Variants in GC observed in about 807,000 individuals in gnomAD.
The protein encoded by GC is GC vitamin D binding protein.
Under a neutral mutation model 56.7 loss-of-function variants are expected in GC, and 43 were observed. The observed-to-expected ratio is 0.76, with a 90% confidence interval of 0.59 to 0.98. The LOEUF (loss-of-function observed/expected upper bound fraction) is 0.98. Ranked by LOEUF, GC falls within the 50% of genes least tolerant of loss-of-function variation. GC has a pLI of 0.00. For synonymous variants in GC, 216 were observed against 202.7 expected, an observed-to-expected ratio of 1.07 and a Z score of -0.56; for missense variants, 529 against 545.9, an observed-to-expected ratio of 0.97 and a Z score of 0.31.
chr4:71,786,948 T>A (rs748850304), upstream of GC, among the ~76,000 whole-genome samples: 2 of 151,856 alleles, frequency 1.3e-5, no homozygotes, highest in African/African-American at 2.4e-5. Context: ...TATTAGTGGA[T>A]CGAAGTAATA....
chr4:71,762,889 G>C (rs2149299655), intron 6 of GC, among the ~76,000 whole-genome samples: 1 of 152,166 alleles, frequency 6.6e-6, no homozygotes, highest in South Asian at 2.1e-4. Context: ...CCCAGTTTCG[G>C]GTATGTCTTT....
intron 11 of GC, among the ~76,000 whole-genome samples, chr4:71,750,611 G>A (rs183914446): frequency 1.8e-3 from 277 of 152,250 alleles, no homozygotes; most frequent in African/African-American, 6.2e-3. Context: ...CTGGCCGGGC[G>A]CAGTGGCTCA....
intron 6 of GC, among the ~76,000 whole-genome samples, chr4:71,760,065 C>T (rs532524655): frequency 1.6e-4 from 22 of 136,328 alleles, no homozygotes; most frequent in Non-Finnish European, 2.5e-4. Flanking sequence ...TTTTTTGAGA[C>T]GGAGTCTCGC....
chr4:71,783,818 T>G (rs1742761205), intron 1 of GC, 143 bp downstream of exon 1: 2 of 478,854 alleles, frequency 4.2e-6, no homozygotes, highest in Admixed American at 4.3e-5. Flanking sequence ...GAGCTCTGAT[T>G]AATGCCTCTC....
intron 1 of GC, among the ~76,000 whole-genome samples, chr4:71,796,240 A>G (rs973976149): frequency 6.6e-6 from 1 of 152,134 alleles, no homozygotes; most frequent in African/African-American, 2.4e-5. Flanking sequence ...TCTCCTGGAT[A>G]ATATCCTTAA....
In GC at chr4:71,784,043, A is replaced by C. The variant is rs1742769401; in HGVS notation, c.-25T>G. On this transcript the variant is annotated 5_prime_UTR_variant, in exon 1 of 13. Transcript: ENST00000273951. ...TTTTTCTACCAGAGAGTCTTGCAGC[A>C]CCTCCTCTCTCCTGTAGGTGACCAT... 9.4e-6 allele frequency: 15 copies of C among 1,599,452 alleles called. No homozygotes were observed. Among genetic ancestry groups the C allele is most frequent in the Non-Finnish European group, 1.3e-5 (15 of 1,170,874 alleles).
chr4:71,771,621 A>T (rs963205854), intron 1 of GC, among the ~76,000 whole-genome samples: 1 of 152,098 alleles, frequency 6.6e-6, no homozygotes, highest in Non-Finnish European at 1.5e-5. Context: ...GGCAACTAGG[A>T]CAAGGCAGTA....
chr4:71,764,010 T>C (rs531044563), intron 4 of GC, 74 bp from the exon 5 acceptor site: 13 of 1,160,776 alleles, frequency 1.1e-5, no homozygotes, highest in South Asian at 9.0e-5. Flanking sequence ...TGAGACAGTG[T>C]CTTGCCCTGT....
At chr4:71,779,032 T>C (rs1339480626) in intron 1 of GC, among the ~76,000 whole-genome samples, 1 of 151,362 alleles carries the variant, frequency 6.6e-6, no homozygotes, top group South Asian at 2.1e-4. Context: ...AGCTATCTCC[T>C]GGGAGCATGG....
chr4:71,791,529 C>T (rs187026127), intron 1 of GC, among the ~76,000 whole-genome samples: 1 of 152,108 alleles, frequency 6.6e-6, no homozygotes, highest in East Asian at 1.9e-4. Context: ...ACGTAAACCT[C>T]GACAGTACTG....
At chr4:71,743,377 A>C (rs1491710) in intron 12 of GC, among the ~76,000 whole-genome samples, 22,625 of 152,120 alleles carry the variant, frequency 0.15, 4,047 homozygotes, top group African/African-American at 0.41. Flanking sequence ...CAACAAGGGA[A>C]AAATCATTGA....
chr4:71,758,802 CTT>C (rs1433637599), intron 6 of GC, among the ~76,000 whole-genome samples: 2 of 151,968 alleles, frequency 1.3e-5, no homozygotes, highest in East Asian at 1.9e-4. Flanking sequence ...AATTTACTAT[CTT>C]GACCATTTTT....
At chr4:71,758,264 A>T in intron 6 of GC, 93 bp from the exon 7 acceptor site, 1 of 1,129,338 alleles carries the variant, frequency 8.9e-7, no homozygotes, top group Non-Finnish European at 1.3e-6. Context: ...TAATATCACA[A>T]TTTCACCTCC....
At chr4:71,758,937 C>A (rs1056451210) in intron 6 of GC, among the ~76,000 whole-genome samples, 3 of 152,102 alleles carry the variant, frequency 2.0e-5, no homozygotes, top group Non-Finnish European at 2.9e-5. Flanking sequence ...TCCCACTTCC[C>A]CTCACTCATC....
intron 1 of GC, among the ~76,000 whole-genome samples, chr4:71,780,607 T>C (rs1374114826): frequency 1.3e-5 from 2 of 152,008 alleles, no homozygotes; most frequent in African/African-American, 4.8e-5. Flanking sequence ...AGAAGACATT[T>C]ATGCAGCCAA....
At chr4:71,774,267 C>T (rs1281504690) in intron 1 of GC, among the ~76,000 whole-genome samples, 1 of 151,962 alleles carries the variant, frequency 6.6e-6, no homozygotes, top group East Asian at 1.9e-4. Flanking sequence ...ACGAAAACAG[C>T]AAAAGATATA....
intron 1 of GC, among the ~76,000 whole-genome samples, chr4:71,770,158 A>G (rs1317449421): frequency 1.3e-5 from 2 of 152,172 alleles, no homozygotes; most frequent in Non-Finnish European, 2.9e-5. Context: ...TGTCTGATTC[A>G]GGCTGGAGAA....
chr4:71,759,000 A>C (rs369552291), intron 6 of GC, among the ~76,000 whole-genome samples: 2 of 152,130 alleles, frequency 1.3e-5, no homozygotes, highest in East Asian at 3.8e-4. Context: ...GATTTTGATT[A>C]CTTTAAATAC....
At chr4:71,766,475 C>A (rs906318648) in intron 3 of GC, among the ~76,000 whole-genome samples, 1 of 151,972 alleles carries the variant, frequency 6.6e-6, no homozygotes, top group Admixed American at 6.6e-5. Flanking sequence ...AAATTAAAAT[C>A]TAAAATAGAG....
Sources: gnomAD v4.1 joint callset for allele counts (sites outside exome capture counted in the v4.1 genomes callset) on GRCh38, gnomAD v4.1.1 for gene constraint, MANE v1.5 for transcripts, NCBI Gene and HGNC (gene_info 2026-07-23, HGNC 2026-07-21) for gene names.